The following NRXN1 variants were observed in gnomAD, a reference collection of about 807,000 sequenced individuals.
NRXN1 encodes neurexin-1.
A neutral mutation model predicts 150.9 loss-of-function variants in NRXN1; 39 were observed. The ratio of observed to expected loss-of-function variants is 0.26; its 90% CI spans 0.20 to 0.34. The LOEUF (loss-of-function observed/expected upper bound fraction) is 0.34. NRXN1 is among the 10% of genes least tolerant of loss of function. The probability of loss-of-function intolerance (pLI) is 1.00; values close to 1 mark genes in which losing one functional copy is unlikely to be tolerated. For missense variants in NRXN1, 1,815 were observed against 1,949.9 expected (o/e 0.93, Z 1.30); for synonymous variants, 924 against 757.0 (o/e 1.22, Z -3.62).
intron 18 of NRXN1, among the ~76,000 whole-genome samples, chr2:50,113,623 C>T (rs1008506422): frequency 8.5e-5 from 13 of 152,290 alleles, no homozygotes; most frequent in Middle Eastern, 3.4e-3. Flanking sequence ...TCTACAACCC[C>T]TTCAACTGTA....
At chr2:50,946,876 T>C (rs980520223) in intron 2 of NRXN1, among the ~76,000 whole-genome samples, 32 of 152,192 alleles carry the variant, frequency 2.1e-4, no homozygotes, top group Admixed American at 9.2e-4. Flanking sequence ...CAAACATTTG[T>C]TGCTTTTGCT....
chr2:50,683,113 G>A (rs1690655088), intron 5 of NRXN1, among the ~76,000 whole-genome samples: 1 of 152,046 alleles, frequency 6.6e-6, no homozygotes, highest in Non-Finnish European at 1.5e-5. Flanking sequence ...TCTCTATCCT[G>A]CAATCCTAAC....
intron 10 of NRXN1, among the ~76,000 whole-genome samples, chr2:50,532,221 C>T (rs957690484): frequency 1.3e-5 from 2 of 152,040 alleles, no homozygotes; most frequent in Admixed American, 6.6e-5. Flanking sequence ...CTGAATTATT[C>T]ATCTGCACAA....
intron 5 of NRXN1, among the ~76,000 whole-genome samples, chr2:50,705,690 G>A (rs959304631): frequency 2.6e-5 from 4 of 152,118 alleles, no homozygotes; most frequent in African/African-American, 9.7e-5. Context: ...ATCAGTTGCA[G>A]CTTCAACCTC....
chr2:51,030,411 G>A (rs1671311105), intron 1 of NRXN1, among the ~76,000 whole-genome samples: 2 of 152,078 alleles, frequency 1.3e-5, no homozygotes, highest in Admixed American at 6.5e-5. Flanking sequence ...TCCATGGGGG[G>A]AGCTGAGAGC....
rs556646504 is a variant in NRXN1, at chr2:50,775,977, C to T, written c.832+145892G>A. Among the ~76,000 whole-genome samples, 3 of 152,134 alleles carry T rather than the reference C, an allele frequency of 2.0e-5. No individual in the cohort carries two copies. The South Asian group carries it at 6.2e-4, about 32-fold the overall frequency. On this transcript the variant is annotated intron_variant, in intron 5 of 22. Transcript: ENST00000401669. The stretch of plus-strand genomic sequence containing the variant: ...ATAAGAAAGCGTCACAGTCTCCGAC[C>T]TCTAGATGCTTAAAATCTAAGATGA...
At chr2:50,946,919 G>A (rs1328429269) in intron 2 of NRXN1, among the ~76,000 whole-genome samples, 1 of 152,098 alleles carries the variant, frequency 6.6e-6, no homozygotes, top group African/African-American at 2.4e-5. Context: ...CAGGAAAGAA[G>A]GTTGAAAAAT....
rs565293634 is a variant in NRXN1, at chr2:49,995,471, C to A, written c.4129-51680G>T. 3.1e-4 allele frequency among the ~76,000 whole-genome samples: 47 copies of A among 152,054 alleles called. 1 individual carries two copies. The South Asian group carries it at 9.3e-3, about 30-fold the overall frequency. On this transcript the variant is annotated intron_variant, in intron 21 of 22. Transcript: ENST00000401669. The stretch of plus-strand genomic sequence containing the variant: ...TACTACTGTTCATATCATTTTCAAC[C>A]ATCAGTAGACCTTAAAGATAGGAAA...
At chr2:50,012,400 T>A (rs898515489) in intron 21 of NRXN1, among the ~76,000 whole-genome samples, 1 of 152,112 alleles carries the variant, frequency 6.6e-6, no homozygotes, top group Non-Finnish European at 1.5e-5. Context: ...TTAAGACAAG[T>A]AAGTTATAAT....
At chr2:50,199,298 A>AT (rs1160580222) in intron 18 of NRXN1, 4 of 152,016 alleles carry the variant, frequency 2.6e-5, no homozygotes, top group African/African-American at 4.8e-5. Flanking sequence ...TCCTGCAAAG[A>AT]TTTTTTAAAA....
At chr2:50,635,223 T>TCTCAGCTCACTGCAAC (rs1475284386) in intron 5 of NRXN1, among the ~76,000 whole-genome samples, 8 of 151,748 alleles carry the variant, frequency 5.3e-5, no homozygotes, top group Non-Finnish European at 1.0e-4. Flanking sequence ...AGTGGCGCGA[T>TCTCAGCTCACTGCAAC]CTCAGCTCAC....
At chr2:50,036,149 G>C (rs533802999) in intron 21 of NRXN1, among the ~76,000 whole-genome samples, 1 of 152,070 alleles carries the variant, frequency 6.6e-6, no homozygotes, top group Admixed American at 6.6e-5. Context: ...ATCCCCATGT[G>C]TCAAGGAAGA....
chr2:50,141,309 C>G (rs1707240962), intron 18 of NRXN1, among the ~76,000 whole-genome samples: 1 of 151,816 alleles, frequency 6.6e-6, no homozygotes, highest in Non-Finnish European at 1.5e-5. Context: ...AAATTCAACT[C>G]TAAAAACAAT....
chr2:50,509,884 T>C (rs1473219236), intron 12 of NRXN1, among the ~76,000 whole-genome samples: 3 of 152,114 alleles, frequency 2.0e-5, no homozygotes, highest in Non-Finnish European at 4.4e-5. Context: ...AGGTGGGGCC[T>C]TCAAGATATG....
intron 8 of NRXN1, among the ~76,000 whole-genome samples, chr2:50,567,343 G>T (rs1670027021): frequency 6.6e-6 from 1 of 152,124 alleles, no homozygotes; most frequent in Non-Finnish European, 1.5e-5. Context: ...GAAGAGAGAT[G>T]TACTAACCAC....
intron 10 of NRXN1, among the ~76,000 whole-genome samples, chr2:50,534,093 A>G (rs1406553967): frequency 7.2e-6 from 1 of 139,158 alleles, no homozygotes; most frequent in Non-Finnish European, 1.5e-5. Flanking sequence ...AATTGAATCA[A>G]TAATTGCACA....
intron 5 of NRXN1, among the ~76,000 whole-genome samples, chr2:50,652,557 G>A (rs1194612294): frequency 6.6e-6 from 1 of 152,044 alleles, no homozygotes; most frequent in Non-Finnish European, 1.5e-5. Flanking sequence ...CTATTCCACT[G>A]TATAGATATA....
intron 22 of NRXN1, among the ~76,000 whole-genome samples, chr2:49,942,650 C>T (rs1344258488): frequency 2.0e-5 from 3 of 151,620 alleles, no homozygotes; most frequent in Non-Finnish European, 2.9e-5. Flanking sequence ...CACTCTGTCA[C>T]CCAGGCTGAA....
chr2:50,197,199 G>T (rs2061832826), intron 18 of NRXN1, among the ~76,000 whole-genome samples: 1 of 151,120 alleles, frequency 6.6e-6, no homozygotes, highest in Non-Finnish European at 1.5e-5. Flanking sequence ...CCAAATCTTT[G>T]TTTTTTTTTA....
Sources: gnomAD v4.1 joint callset for allele counts (sites outside exome capture counted in the v4.1 genomes callset) on GRCh38, gnomAD v4.1.1 for gene constraint, MANE v1.5 for transcripts, NCBI Gene and HGNC (gene_info 2026-07-23, HGNC 2026-07-21) for gene names.